SDK1: variants seen among roughly 807,000 people sequenced by gnomAD.
SDK1 encodes protein sidekick-1.
In SDK1, 157 loss-of-function variants were observed where a neutral mutation model predicts 245.5. The observed-to-expected ratio is 0.64, with a 90% CI of 0.56 to 0.73. SDK1 has a LOEUF of 0.73. SDK1 is among the 30% of genes least tolerant of loss of function. SDK1 has a pLI of 0.00. For synonymous variants in SDK1, 1,647 were observed against 1,278.5 expected, an observed-to-expected ratio of 1.29 and a Z score of -6.15; for missense variants, 3,583 against 3,002.3, an observed-to-expected ratio of 1.19 and a Z score of -4.52.
At chr7:3,918,480 C>A (rs1276421178) in intron 5 of SDK1, among the ~76,000 whole-genome samples, 1 of 152,174 alleles carries the variant, frequency 6.6e-6, no homozygotes, top group African/African-American at 2.4e-5. Context: ...ATGATCTGTC[C>A]CTGTCTCCCA....
chr7:3,946,577 A>G (rs1463745151), intron 5 of SDK1, among the ~76,000 whole-genome samples: 1 of 152,126 alleles, frequency 6.6e-6, no homozygotes, highest in East Asian at 1.9e-4. Flanking sequence ...TTGGCCTCCC[A>G]AAGTTCTGGG....
At chr7:4,224,748 A>G (rs1337535336) in intron 40 of SDK1, among the ~76,000 whole-genome samples, 2 of 152,092 alleles carry the variant, frequency 1.3e-5, no homozygotes, top group African/African-American at 4.8e-5. Context: ...TGGGAGGCCG[A>G]GGTGGGCGGA....
intron 4 of SDK1, among the ~76,000 whole-genome samples, chr7:3,752,894 T>G (rs1025865304): frequency 1.3e-5 from 2 of 152,234 alleles, no homozygotes; most frequent in Admixed American, 6.5e-5. Context: ...GTATTTGTAA[T>G]AAATGTATAA....
At chr7:4,043,346 T>G (rs1375375862) in intron 17 of SDK1, among the ~76,000 whole-genome samples, 1 of 150,562 alleles carries the variant, frequency 6.6e-6, no homozygotes, top group East Asian at 2.0e-4. Flanking sequence ...AGAGTGAGTG[T>G]CACAGCCAGG....
intron 5 of SDK1, among the ~76,000 whole-genome samples, chr7:3,882,249 G>T (rs960465037): frequency 6.6e-6 from 1 of 152,100 alleles, no homozygotes; most frequent in Non-Finnish European, 1.5e-5. Context: ...AATTCAAGAT[G>T]AGATTTGGGT....
At chr7:3,475,116 G>A (rs555689331) in intron 1 of SDK1, among the ~76,000 whole-genome samples, 17 of 152,332 alleles carry the variant, frequency 1.1e-4, no homozygotes, top group South Asian at 8.3e-4. Flanking sequence ...CTTGCTTAAA[G>A]CTCTTTGATT....
At chr7:3,999,927 C>G (rs1410935670) in intron 14 of SDK1, among the ~76,000 whole-genome samples, 1 of 152,078 alleles carries the variant, frequency 6.6e-6, no homozygotes, top group Middle Eastern at 3.2e-3. Flanking sequence ...GATGCCAGAC[C>G]CGAGTCTTGT....
At chr7:3,921,295 A>T (rs557507814) in intron 5 of SDK1, among the ~76,000 whole-genome samples, 2 of 152,214 alleles carry the variant, frequency 1.3e-5, no homozygotes, top group African/African-American at 2.4e-5. Flanking sequence ...AGTATTAACT[A>T]TGTTATCATT....
intron 1 of SDK1, among the ~76,000 whole-genome samples, chr7:3,373,422 C>T (rs1010150097): frequency 1.3e-5 from 2 of 152,190 alleles, no homozygotes; most frequent in South Asian, 2.1e-4. Flanking sequence ...CATATGGTCT[C>T]AATAGATGTT....
At position 4,037,388 on chromosome 7, in the gene SDK1, G is replaced by A. The variant is rs184887093; in HGVS notation, c.2603-11960G>A. 3.7e-3 allele frequency among the ~76,000 whole-genome samples: 559 copies of A among 152,252 alleles called. 6 individuals are homozygous for A. The South Asian group carries it at 0.039, about 11-fold the overall frequency. ...AATCCCAATACTTTGGGAGGATGAGGTGGGGGGATCAGTGGAAGCCAGGGG... is the reference window on the plus strand; with the variant it reads ...AATCCCAATACTTTGGGAGGATGAGATGGGGGGATCAGTGGAAGCCAGGGG... On this transcript the variant is annotated intron_variant, in intron 17 of 44. Transcript: ENST00000404826.
chr7:3,828,046 G>A (rs1026202380), intron 5 of SDK1, among the ~76,000 whole-genome samples: 1 of 152,184 alleles, frequency 6.6e-6, no homozygotes, highest in Non-Finnish European at 1.5e-5. Flanking sequence ...GGGAGGCCAA[G>A]GTGGGCGGAT....
chr7:3,597,879 A>G (rs1189423008), intron 1 of SDK1, among the ~76,000 whole-genome samples: 2 of 152,222 alleles, frequency 1.3e-5, no homozygotes, highest in African/African-American at 4.8e-5. Flanking sequence ...AGGGCACTAT[A>G]AATAACAGTA....
chr7:3,356,128 T>C (rs1780787705), intron 1 of SDK1, among the ~76,000 whole-genome samples: 1 of 152,338 alleles, frequency 6.6e-6, no homozygotes, highest in East Asian at 1.9e-4. Flanking sequence ...TACAAGCTAT[T>C]TTCTTAGCTT....
intron 4 of SDK1, among the ~76,000 whole-genome samples, chr7:3,681,489 T>C (rs897867743): frequency 7.9e-5 from 12 of 152,236 alleles, no homozygotes; most frequent in African/African-American, 2.9e-4. Context: ...TACTGGGTCA[T>C]AAAGGTAGGC....
chr7:3,568,924 G>A (rs574470898), intron 1 of SDK1, among the ~76,000 whole-genome samples: 1 of 151,646 alleles, frequency 6.6e-6, no homozygotes, highest in East Asian at 1.9e-4. Flanking sequence ...ATTTGCTTTA[G>A]TATCTTTATT....
chr7:4,146,176 C>T (rs544899429), intron 29 of SDK1, among the ~76,000 whole-genome samples: 1 of 151,040 alleles, frequency 6.6e-6, no homozygotes, highest in African/African-American at 2.5e-5. Flanking sequence ...CAGCCTCACA[C>T]CTGCTCTCTC....
intron 4 of SDK1, among the ~76,000 whole-genome samples, chr7:3,726,388 C>A (rs978333672): frequency 1.3e-5 from 2 of 152,164 alleles, no homozygotes; most frequent in Non-Finnish European, 2.9e-5. Flanking sequence ...AGCAGTCACT[C>A]GACTGTAAGT....
In SDK1 at chr7:4,208,271, G is replaced by A. The variant is rs1455988378; in HGVS notation, c.5387G>A (p.Arg1796His). 2.5e-6 allele frequency: 4 copies of A among 1,612,806 alleles called. No homozygotes were observed. Among genetic ancestry groups the A allele is most frequent in the South Asian group, 1.1e-5 (1 of 90,942 alleles). Residue 1796 changes from arginine to histidine, a missense_variant, in exon 37 of 45, where the codon CGC becomes CAC. Arg to His is a conservative substitution (Grantham distance 29). Coordinates refer to ENST00000404826, the MANE Select transcript of SDK1 (RefSeq NM_152744.4). ...CCTAAGAGTGACCCCCAGCAGGGGC[G>A]CACCCACCAGGCCGGTAGGAGGAAG... ...DGPKSDPQQG[R>H]THQAAPGAPS...
chr7:4,052,515 A>G lies in SDK1; in HGVS notation c.2911+685A>G, dbSNP rs368866552. Among the ~76,000 whole-genome samples the G allele has an allele frequency of 2.8e-4, 43 of 152,334 alleles. No individual in the cohort carries two copies. The East Asian group carries it at 5.6e-3, about 20-fold the overall frequency. On this transcript the variant is annotated intron_variant, in intron 19 of 44. Transcript: ENST00000404826. The stretch of plus-strand genomic sequence containing the variant: ...CATAAGAAATATTTTGTAGTTGTTG[A>G]AAAAACGAAACTCTGAAGATCAAAA...
Sources: allele counts gnomAD v4.1 joint callset (sites outside exome capture counted in the v4.1 genomes callset), GRCh38; gene constraint gnomAD v4.1.1; transcripts MANE v1.5; gene names NCBI Gene and HGNC (gene_info 2026-07-23, HGNC 2026-07-21).